The following KCNG2 variants were observed in gnomAD, a reference collection of about 807,000 sequenced individuals.
KCNG2 encodes voltage-gated potassium channel regulatory subunit KCNG2.
A neutral mutation model predicts 12.3 loss-of-function variants in KCNG2; 7 were observed. The observed-to-expected ratio is 0.57, with a 90% CI of 0.32 to 1.07. KCNG2 has a LOEUF of 1.07. Among genes scored for constraint, KCNG2 ranks in the 50% least tolerant of loss-of-function variants. KCNG2 has a pLI of 0.04. For synonymous variants in KCNG2, 414 were observed against 351.4 expected (o/e 1.18, Z -1.99); for missense variants, 703 against 726.0 (o/e 0.97, Z 0.36).
intron 1 of KCNG2, among the ~76,000 whole-genome samples, chr18:79,837,797 C>G (rs975692143): frequency 1.3e-5 from 2 of 152,214 alleles, no homozygotes; most frequent in Non-Finnish European, 2.9e-5. Flanking sequence ...CTCTTCCAAC[C>G]TCTGCCCTTT....
rs140738929 is a variant in KCNG2 at position 79,823,339 on chromosome 18, C to T, written c.-115+25325C>T. ...ACACCACATGTGGACCTTTTCATCT[C>T]TGCAGGGTTGACTCCCAGAATTGGG... On this transcript the variant is annotated intron_variant, in intron 1 of 3. Coordinates refer to ENST00000316249, the MANE Select transcript of KCNG2 (RefSeq NM_012283.2). Among the ~76,000 whole-genome samples, 3 of 152,314 alleles carry T rather than the reference C, an allele frequency of 2.0e-5. No individual in the cohort carries two copies. In the East Asian group the frequency reaches 5.8e-4, roughly 29 times the overall value.
chr18:79,825,053 C>T (rs1368691652), intron 1 of KCNG2, among the ~76,000 whole-genome samples: 1 of 150,796 alleles, frequency 6.6e-6, no homozygotes, highest in Non-Finnish European at 1.5e-5. Context: ...GCTTTATAAT[C>T]TTGGGAGAAT....
intron 1 of KCNG2, among the ~76,000 whole-genome samples, chr18:79,811,626 C>T (rs2122995446): frequency 6.6e-6 from 1 of 152,026 alleles, no homozygotes; most frequent in South Asian, 2.1e-4. Flanking sequence ...TAACAGACAC[C>T]AACATCAAGC....
At chr18:79,853,020 C>T (rs531035815) in intron 1 of KCNG2, among the ~76,000 whole-genome samples, 10 of 152,364 alleles carry the variant, frequency 6.6e-5, no homozygotes, top group East Asian at 3.9e-4. Context: ...GTGGATGCCC[C>T]GTGTGTGCTG....
At chr18:79,817,688 A>G (rs1291806731) in intron 1 of KCNG2, among the ~76,000 whole-genome samples, 1 of 152,172 alleles carries the variant, frequency 6.6e-6, no homozygotes, top group Non-Finnish European at 1.5e-5. Flanking sequence ...GAGGGGCAGC[A>G]GGCCCCATTC....
At chr18:79,873,426 T>TCCC (rs138533244) in intron 3 of KCNG2, among the ~76,000 whole-genome samples, 41 of 86,702 alleles carry the variant, frequency 4.7e-4, no homozygotes, top group South Asian at 2.3e-3. Context: ...CCGGCCCCCC[T>TCCC]CCCCCCCCCC....
At chr18:79,883,349 C>T (rs1258123549) in intron 3 of KCNG2, among the ~76,000 whole-genome samples, 6 of 152,182 alleles carry the variant, frequency 3.9e-5, no homozygotes, top group Non-Finnish European at 7.4e-5. Flanking sequence ...GGTTCCAGGA[C>T]CGTGATTTGT....
At chr18:79,849,284 G>T (rs912075958) in intron 1 of KCNG2, among the ~76,000 whole-genome samples, 2 of 152,212 alleles carry the variant, frequency 1.3e-5, no homozygotes, top group African/African-American at 4.8e-5. Context: ...TGTTCTCACT[G>T]AGCTCTGACT....
At chr18:79,815,330 C>T (rs780799802) in intron 1 of KCNG2, among the ~76,000 whole-genome samples, 1 of 150,866 alleles carries the variant, frequency 6.6e-6, no homozygotes, top group South Asian at 2.1e-4. Flanking sequence ...AGTCCAGTTA[C>T]TTGGGAGGCT....
chr18:79,890,220 G>A (rs1408937086), intron 3 of KCNG2, among the ~76,000 whole-genome samples: 1 of 152,182 alleles, frequency 6.6e-6, no homozygotes. Flanking sequence ...CTCATAGAAT[G>A]AGCTGGGAAC....
intron 3 of KCNG2, among the ~76,000 whole-genome samples, chr18:79,883,004 A>G (rs934296113): frequency 6.6e-6 from 1 of 152,226 alleles, no homozygotes; most frequent in East Asian, 1.9e-4. Flanking sequence ...GTACAGAGCG[A>G]GTGTTCAGCC....
intron 3 of KCNG2, among the ~76,000 whole-genome samples, chr18:79,879,472 T>C (rs1254932715): frequency 6.7e-6 from 1 of 148,420 alleles, no homozygotes; most frequent in African/African-American, 2.4e-5. Context: ...GCTGTGTCCA[T>C]GAAACAAGAA....
intron 1 of KCNG2, among the ~76,000 whole-genome samples, chr18:79,806,309 G>A (rs949797398): frequency 5.3e-5 from 8 of 152,336 alleles, no homozygotes; most frequent in African/African-American, 9.6e-5. Flanking sequence ...GTCGGGGGTC[G>A]GGGCATGGGG....
In KCNG2 at chr18:79,863,842, T is replaced by A; in HGVS notation, c.175T>A (p.Cys59Ser). The A allele has an allele frequency of 6.9e-7, 1 of 1,455,582 alleles. No homozygotes were observed. The allele number at this position is 1,455,582 out of a possible 1,614,324, so 90.2% of individuals were successfully genotyped here. Residue 59 changes from cysteine to serine, a missense_variant, in exon 3 of 4, where the codon TGT (cysteine) becomes AGT (serine). Physicochemically the swap from Cys to Ser is moderately radical, Grantham distance 112. Coordinates refer to ENST00000316249, the MANE Select transcript of KCNG2 (RefSeq NM_012283.2). The part of the protein sequence containing the change: ...CRGHDDLLRV[C>S]DDYDVSRDEF... ...CGGCCACGACGACCTGCTGCGCGTG[T>A]GTGACGACTACGACGTGAGCCGCGA...
chr18:79,899,612 C>G lies in KCNG2; in HGVS notation c.1197C>G (p.Phe399Leu). 6.3e-7 allele frequency: 1 copy of G among 1,599,464 alleles called. No homozygotes were observed. Among genetic ancestry groups the G allele is most frequent in the Non-Finnish European group, 8.5e-7 (1 of 1,172,230 alleles). The change falls in exon 4 of 4, where the codon TTC (phenylalanine) becomes TTG (leucine). Residue 399 changes from phenylalanine (F) to leucine (L), a missense_variant. Coordinates refer to ENST00000316249, the MANE Select transcript of KCNG2 (RefSeq NM_012283.2). ...TCAGCGGCATCCTGCTCATGGCCTT[C>G]CCGGTCACCTCCATCTTCCACACCT... ...SILSGILLMA[F>L]PVTSIFHTFS...
At chr18:79,831,853 G>A (rs1363054306) in intron 1 of KCNG2, among the ~76,000 whole-genome samples, 1 of 152,194 alleles carries the variant, frequency 6.6e-6, no homozygotes. Flanking sequence ...CCTGGCGGGC[G>A]GCCTAGGTGG....
At chr18:79,891,653 T>G (rs990628542) in intron 3 of KCNG2, among the ~76,000 whole-genome samples, 10 of 152,358 alleles carry the variant, frequency 6.6e-5, no homozygotes, top group Non-Finnish European at 1.2e-4. Context: ...TAGGAATATG[T>G]TTAATTTCCA....
intron 3 of KCNG2, among the ~76,000 whole-genome samples, chr18:79,868,801 C>T (rs76289699): frequency 0.012 from 1,761 of 152,336 alleles, 18 homozygotes; most frequent in Middle Eastern, 0.027. Context: ...CTCAGACGAG[C>T]CAAATCACTG....
At chr18:79,897,398 C>CAAA in intron 3 of KCNG2, among the ~76,000 whole-genome samples, 1 of 152,278 alleles carries the variant, frequency 6.6e-6, no homozygotes. Context: ...TTGCACTTTT[C>CAAA]AATTCCAGAA....
Sources: allele counts gnomAD v4.1 joint callset (sites outside exome capture counted in the v4.1 genomes callset), GRCh38; gene constraint gnomAD v4.1.1; transcripts MANE v1.5; gene names NCBI Gene and HGNC (gene_info 2026-07-23, HGNC 2026-07-21).